Variants in RALA observed in about 807,000 individuals in gnomAD.
RALA encodes the protein RAS like proto-oncogene A, also known as ras-related protein Ral-A.
In RALA, 5 loss-of-function variants were observed where a neutral mutation model predicts 24.0. The observed-to-expected ratio is 0.21, with a 90% confidence interval of 0.11 to 0.44. The LOEUF is 0.44. RALA is among the 20% of genes least tolerant of loss of function. The probability of loss-of-function intolerance (pLI) is 0.99; values close to 1 mark genes in which losing one functional copy is unlikely to be tolerated. For missense variants in RALA, 95 were observed against 241.2 expected (o/e 0.39, Z 4.01); for synonymous variants, 77 against 83.8 (o/e 0.92, Z 0.44).
intron 1 of RALA, among the ~76,000 whole-genome samples, chr7:39,682,159 T>C (rs780380393): frequency 3.3e-5 from 5 of 152,214 alleles, no homozygotes; most frequent in Non-Finnish European, 7.3e-5. Context: ...TCGCCTAGGA[T>C]TGTAAATATC....
intron 1 of RALA, among the ~76,000 whole-genome samples, chr7:39,680,344 C>T (rs1007919425): frequency 6.6e-6 from 1 of 150,742 alleles, no homozygotes; most frequent in Non-Finnish European, 1.5e-5. Context: ...CCATTGCACT[C>T]CAGCCTGGGC....
At chr7:39,696,657 T>C (rs894015005) in intron 3 of RALA, 28 bp from the exon 4 acceptor site, 3 of 1,536,742 alleles carry the variant, frequency 2.0e-6, no homozygotes, top group African/African-American at 1.4e-5. Flanking sequence ...ATAATGTTAA[T>C]ATTTCTTTTT....
At chr7:39,634,445 C>A (rs1034901899) in intron 1 of RALA, among the ~76,000 whole-genome samples, 14 of 152,088 alleles carry the variant, frequency 9.2e-5, no homozygotes, top group African/African-American at 3.4e-4. Context: ...GGAGGGTGAT[C>A]TTTTCTGTTC....
chr7:39,667,054 C>G lies in RALA; in HGVS notation c.-37-19577C>G, dbSNP rs117182269. ...CTCCTATTTCTGCCTCACTCCCACT[C>G]TTTTTGATGCCAGGTCTTGCCCCAT... On this transcript the variant is annotated intron_variant, in intron 1 of 4. Transcript: ENST00000005257. Among the ~76,000 whole-genome samples, 9 of 152,288 alleles carry G rather than the reference C, an allele frequency of 5.9e-5. No homozygotes were observed. The East Asian group carries it at 1.4e-3, about 23-fold the overall frequency.
chr7:39,636,965 C>T (rs1791693981), intron 1 of RALA, among the ~76,000 whole-genome samples: 1 of 152,160 alleles, frequency 6.6e-6, no homozygotes, highest in African/African-American at 2.4e-5. Flanking sequence ...CAGGTCCATC[C>T]CCTGATGTGG....
chr7:39,664,561 TAC>T (rs984958431), intron 1 of RALA, among the ~76,000 whole-genome samples: 17 of 152,162 alleles, frequency 1.1e-4, no homozygotes, highest in African/African-American at 4.1e-4. Flanking sequence ...GAAGGCTCAT[TAC>T]ACACAGCACT....
intron 1 of RALA, among the ~76,000 whole-genome samples, chr7:39,631,908 T>C (rs1160425758): frequency 6.6e-6 from 1 of 152,220 alleles, no homozygotes; most frequent in Non-Finnish European, 1.5e-5. Flanking sequence ...TGTACTGGCA[T>C]GACACCAACA....
intron 4 of RALA, among the ~76,000 whole-genome samples, chr7:39,697,122 T>G (rs745469938): frequency 2.0e-5 from 3 of 152,198 alleles, no homozygotes; most frequent in Non-Finnish European, 2.9e-5. Context: ...CCTGACTTTT[T>G]TCCCCCCTTA....
intron 3 of RALA, among the ~76,000 whole-genome samples, chr7:39,695,402 A>AT (rs1411065044): frequency 6.7e-6 from 1 of 149,068 alleles, no homozygotes; most frequent in African/African-American, 2.5e-5. Flanking sequence ...TTATTGTGGC[A>AT]TTTTTTTGGT....
intron 4 of RALA, chr7:39,700,295 C>T (rs1355830281): frequency 6.6e-6 from 1 of 152,218 alleles, no homozygotes; most frequent in Non-Finnish European, 1.5e-5. Context: ...TCTACAGTGT[C>T]TGCTGCCTCA....
At chr7:39,703,654 T>C (rs554034744) in intron 4 of RALA, among the ~76,000 whole-genome samples, 1 of 152,348 alleles carries the variant, frequency 6.6e-6, no homozygotes, top group Non-Finnish European at 1.5e-5. Flanking sequence ...TTTCAGTGAA[T>C]AGTTCTAGGA....
chr7:39,639,329 T>C (rs938316596), intron 1 of RALA, among the ~76,000 whole-genome samples: 13 of 152,206 alleles, frequency 8.5e-5, no homozygotes, highest in African/African-American at 2.9e-4. Context: ...AGCAGTTGCA[T>C]TGGTGGTTGG....
chr7:39,662,398 G>C (rs970752262), intron 1 of RALA, among the ~76,000 whole-genome samples: 2 of 152,038 alleles, frequency 1.3e-5, no homozygotes, highest in Admixed American at 6.6e-5. Context: ...CTGCAAATTT[G>C]TCAAAGTTCT....
intron 1 of RALA, among the ~76,000 whole-genome samples, chr7:39,680,335 C>G (rs947468492): frequency 2.0e-5 from 3 of 150,864 alleles, no homozygotes; most frequent in Non-Finnish European, 2.9e-5. Context: ...GAGATCGCAC[C>G]ATTGCACTCC....
At chr7:39,696,029 A>T (rs1269800779) in intron 3 of RALA, among the ~76,000 whole-genome samples, 1 of 152,208 alleles carries the variant, frequency 6.6e-6, no homozygotes, top group African/African-American at 2.4e-5. Context: ...CATTTTATAG[A>T]TGAGGAAACT....
chr7:39,669,336 A>G (rs1347266707), intron 1 of RALA, among the ~76,000 whole-genome samples: 2 of 152,068 alleles, frequency 1.3e-5, no homozygotes. Context: ...CTCAATAAAT[A>G]CATGTTGGTG....
At chr7:39,656,822 G>C (rs1322555928) in intron 1 of RALA, among the ~76,000 whole-genome samples, 1 of 152,212 alleles carries the variant, frequency 6.6e-6, no homozygotes, top group Non-Finnish European at 1.5e-5. Context: ...GAAGGGATGA[G>C]GGTAAGGGAT....
intron 1 of RALA, among the ~76,000 whole-genome samples, chr7:39,660,596 T>C (rs991389594): frequency 1.3e-5 from 2 of 152,214 alleles, no homozygotes; most frequent in Non-Finnish European, 2.9e-5. Flanking sequence ...GTGATTGTAT[T>C]TTTATGCTTA....
chr7:39,690,773 C>T (rs372558130), intron 3 of RALA, among the ~76,000 whole-genome samples, 183 bp downstream of exon 3: 3 of 152,282 alleles, frequency 2.0e-5, no homozygotes, highest in East Asian at 3.9e-4. Flanking sequence ...AGTTAGGATA[C>T]TTTGCATAGT....
Sources: allele counts gnomAD v4.1 joint callset (sites outside exome capture counted in the v4.1 genomes callset), GRCh38; gene constraint gnomAD v4.1.1; transcripts MANE v1.5; gene names NCBI Gene and HGNC (gene_info 2026-07-23, HGNC 2026-07-21).